Variants in CARNMT1 observed in about 807,000 individuals in gnomAD.
The protein encoded by CARNMT1 is carnosine N-methyltransferase 1.
Under a neutral mutation model 49.6 loss-of-function variants are expected in CARNMT1, and 28 were observed. The ratio of observed to expected loss-of-function variants is 0.56; its 90% CI spans 0.42 to 0.77. The LOEUF is 0.77. Ranked by LOEUF, CARNMT1 falls within the 30% of genes least tolerant of loss-of-function variation. The pLI is 0.00. For missense variants in CARNMT1, 421 were observed against 512.6 expected, an observed-to-expected ratio of 0.82 and a Z score of 1.73; for synonymous variants, 178 against 175.0, an observed-to-expected ratio of 1.02 and a Z score of -0.13.
At chr9:75,005,674 C>T (rs1385244087) in intron 3 of CARNMT1, among the ~76,000 whole-genome samples, 3 of 151,844 alleles carry the variant, frequency 2.0e-5, no homozygotes, top group Non-Finnish European at 4.4e-5. Context: ...AGGGTTTCAC[C>T]GTGTTAGCCA....
At chr9:75,017,056 TA>T (rs1564105047) in intron 2 of CARNMT1, 196 bp downstream of exon 2, 2 of 512,806 alleles carry the variant, frequency 3.9e-6, no homozygotes, top group Non-Finnish European at 6.8e-6. Context: ...TATTAGTACT[TA>T]AAAAAGGAAA....
chr9:74,993,091 T>C (rs1353809611), intron 6 of CARNMT1, among the ~76,000 whole-genome samples: 1 of 144,384 alleles, frequency 6.9e-6, no homozygotes, highest in African/African-American at 2.5e-5. Context: ...TAATACCCAT[T>C]GTTTGCCAGG....
At position 74,984,978 on chromosome 9, in the gene CARNMT1, T is replaced by C. The variant is rs1304327705; in HGVS notation, c.1057A>G (p.Asn353Asp). Reference sequence around the variant, plus strand: ...TAGCTCAATTCTATGGAAAGTTCATTTGCCAGATTTTCAAAGTGGTACAGC... The same window carrying C: ...TAGCTCAATTCTATGGAAAGTTCATCTGCCAGATTTTCAAAGTGGTACAGC... The part of the protein sequence containing the change: ...PLLYHFENLA[N>D]ELSIELSYED... The change falls in exon 7 of 8, where the codon AAT becomes GAT. Residue 353 changes from asparagine to aspartate, a missense_variant. Transcript: ENST00000376834. The C allele has an allele frequency of 2.5e-6, 4 of 1,613,864 alleles. No homozygotes were observed. The highest frequency in any genetic ancestry group is 2.2e-5 in the East Asian group (1 of 44,864).
rs1165599901 is a variant in CARNMT1 at position 75,017,388 on chromosome 9, G to T, written c.291C>A (p.Asn97Lys). ...GAAACTGAGGAAGTAGTTTCTGTTG[G>T]TTAGCTGGAAGTGATCGAAACTGTC... ...TERQFRSLPA[N>K]QQKLLPQFLL... The change falls in exon 2 of 8, where the codon AAC becomes AAA. Residue 97 changes from asparagine to lysine, a missense_variant. Coordinates refer to ENST00000376834, the MANE Select transcript of CARNMT1 (RefSeq NM_152420.3). 1.9e-6 allele frequency: 3 copies of T among 1,614,084 alleles called. No homozygotes were observed. Among genetic ancestry groups the T allele is most frequent in the Middle Eastern group, 1.7e-4 (1 of 6,060 alleles).
intron 1 of CARNMT1, among the ~76,000 whole-genome samples, chr9:75,023,861 G>A (rs998338224): frequency 6.6e-6 from 1 of 152,114 alleles, no homozygotes; most frequent in Admixed American, 6.5e-5. Flanking sequence ...TTACTGCCTG[G>A]CCCTTTTAAG....
In CARNMT1 at chr9:74,998,596, A is replaced by G; in HGVS notation, c.910+2T>C. The G allele has an allele frequency of 6.4e-7, 1 of 1,563,034 alleles. No homozygotes were observed. The highest frequency in any genetic ancestry group is 2.3e-5 in the East Asian group (1 of 44,064). On this transcript the variant is annotated splice_donor_variant, in intron 5 of 7. Transcript: ENST00000376834. LOFTEE classifies it high-confidence loss of function. ...CTTTTTAAACGCTTGATTTGGACTT[A>G]CTGCATTCTGAATAAATCTCTTGAA...
Position 74,998,696 on chromosome 9 carries a change from C to G in CARNMT1, c.812G>C (p.Arg271Pro). The G allele has an allele frequency of 6.2e-7, 1 of 1,607,256 alleles. No homozygotes were observed. Among genetic ancestry groups the G allele is most frequent in the Admixed American group, 1.7e-5 (1 of 58,882 alleles). Residue 271 changes from arginine (R) to proline (P), a missense_variant, in exon 5 of 8, where the codon CGA (arginine) becomes CCA (proline). Physicochemically the swap from Arg to Pro is moderately radical, Grantham distance 103. Transcript: ENST00000376834. The part of the protein sequence containing the change: ...SNNRRSADQI[R>P]PIFFPDVDPH... ...GTCAACATCAGGGAAAAAGATGGGT[C>G]GAATCTGATCAGCTGATCTCCGGTT... is the stretch of plus-strand genomic sequence containing the variant.
At chr9:75,020,344 T>C (rs1395288047) in intron 1 of CARNMT1, among the ~76,000 whole-genome samples, 1 of 148,054 alleles carries the variant, frequency 6.8e-6, no homozygotes, top group Non-Finnish European at 1.5e-5. Flanking sequence ...CTCAGCTCAC[T>C]GCAACCTCCC....
rs371714583 is a variant in CARNMT1 at position 75,021,209 on chromosome 9, T to C, written c.231-3761A>G. Among the ~76,000 whole-genome samples, 86 of 148,678 alleles carry C rather than the reference T, an allele frequency of 5.8e-4. 1 individual carries two copies. In the East Asian group the frequency reaches 0.013, roughly 22 times the overall value. ...GCTCAAAATATATATACTATATATATACCTACTGTTCAATATACTATATAG... is the reference window on the plus strand; with the variant it reads ...GCTCAAAATATATATACTATATATACACCTACTGTTCAATATACTATATAG... On this transcript the variant is annotated intron_variant, in intron 1 of 7. Coordinates refer to ENST00000376834, the MANE Select transcript of CARNMT1 (RefSeq NM_152420.3).
chr9:75,008,167 C>CT (rs1266004692), intron 3 of CARNMT1, among the ~76,000 whole-genome samples: 9 of 20,188 alleles, frequency 4.5e-4, no homozygotes, highest in Non-Finnish European at 6.6e-4. Flanking sequence ...AGCTGATGAG[C>CT]TAAAAAAAAA....
chr9:75,022,115 T>C lies in CARNMT1; in HGVS notation c.231-4667A>G, dbSNP rs140042411. On this transcript the variant is annotated intron_variant, in intron 1 of 7. Transcript: ENST00000376834. ...TACTGGGCATTTAGACACTCACTTG[T>C]TTTTGTGATGAACATTTTGTGTTCA... is the stretch of plus-strand genomic sequence containing the variant. Among the ~76,000 whole-genome samples, 321 of 152,232 alleles carry C rather than the reference T, an allele frequency of 2.1e-3. 2 individuals carry two copies. Among genetic ancestry groups the C allele is most frequent in the African/African-American group, 7.5e-3 (312 of 41,530 alleles).
At chr9:75,027,866 C>G (rs1347114179) in intron 1 of CARNMT1, 146 bp downstream of exon 1, 16 of 903,404 alleles carry the variant, frequency 1.8e-5, no homozygotes, top group Non-Finnish European at 2.3e-5. Context: ...CGAGGTGACT[C>G]GGGGCCCGGA....
chr9:74,988,144 T>C (rs1832902618), intron 6 of CARNMT1, among the ~76,000 whole-genome samples: 1 of 152,126 alleles, frequency 6.6e-6, no homozygotes. Flanking sequence ...TTAGAATTCC[T>C]GGGCTCAAGC....
chr9:74,989,713 G>A (rs1472679734), intron 6 of CARNMT1, among the ~76,000 whole-genome samples: 1 of 152,052 alleles, frequency 6.6e-6, no homozygotes, highest in Non-Finnish European at 1.5e-5. Flanking sequence ...TTCCTTTGGG[G>A]AAAAACACTT....
rs1038128063 is a variant in CARNMT1, at chr9:74,999,654, A to G, written c.731+76T>C. On this transcript the variant is annotated intron_variant, in intron 4 of 7. Transcript: ENST00000376834. ...ATGCTATGTACTTATCTTCAAATTC[A>G]AAATTGTTCAAGAAAATAGGTAAGT... 4 of 1,347,416 alleles carry G rather than the reference A, an allele frequency of 3.0e-6. No homozygotes were observed. The African/African-American group carries it at 4.4e-5, about 15-fold the overall frequency. The allele number at this position is 1,347,416 out of a possible 1,614,324, so 83.5% of individuals were successfully genotyped here. A position where few individuals can be genotyped will look rare whatever the true frequency, so the allele number is the denominator to read the frequency against.
At chr9:74,983,956 G>A in intron 7 of CARNMT1, 88 bp from the exon 8 acceptor site, 1 of 775,032 alleles carries the variant, frequency 1.3e-6, no homozygotes, top group Non-Finnish European at 2.0e-6. Context: ...TCAGTGGCAG[G>A]CACTATTTTA....
At chr9:75,010,535 A>G (rs1006054262) in intron 3 of CARNMT1, among the ~76,000 whole-genome samples, 4 of 152,152 alleles carry the variant, frequency 2.6e-5, no homozygotes, top group African/African-American at 7.2e-5. Context: ...CTGGGAGGAG[A>G]AGGAGTGGGT....
intron 1 of CARNMT1, among the ~76,000 whole-genome samples, chr9:75,027,810 G>A (rs1040538662): frequency 2.6e-5 from 4 of 152,214 alleles, no homozygotes; most frequent in African/African-American, 9.6e-5. Context: ...AGCAGACGGC[G>A]CGGCGGACAC....
Position 75,014,036 on chromosome 9 carries a change from A to C in CARNMT1, c.590+2232T>G, listed in dbSNP as rs544457726. Among the ~76,000 whole-genome samples the C allele has an allele frequency of 2.6e-5, 4 of 151,244 alleles. No homozygotes were observed. The East Asian group carries it at 7.8e-4, about 29-fold the overall frequency. ...CCACTTACTTAAAAAAAAAAAAAAA[A>C]AAAAACCCCAAGAATAAAAGGATGA... On this transcript the variant is annotated intron_variant, in intron 3 of 7. Coordinates refer to ENST00000376834, the MANE Select transcript of CARNMT1 (RefSeq NM_152420.3).
Sources: allele counts gnomAD v4.1 joint callset (sites outside exome capture counted in the v4.1 genomes callset), GRCh38; gene constraint gnomAD v4.1.1; transcripts MANE v1.5; gene names NCBI Gene and HGNC (gene_info 2026-07-23, HGNC 2026-07-21).